The following AGAP1 variants were observed in gnomAD, a reference collection of about 807,000 sequenced individuals.
AGAP1 encodes ArfGAP with GTPase domain, ankyrin repeat and PH domain 1.
In AGAP1, 29 loss-of-function variants were observed where a neutral mutation model predicts 105.3. The observed-to-expected ratio is 0.28, with a 90% CI of 0.21 to 0.38. The LOEUF is 0.38. Ranked by LOEUF, AGAP1 falls within the 10% of genes least tolerant of loss-of-function variation. The pLI is 1.00. For synonymous variants in AGAP1, 509 were observed against 485.9 expected (o/e 1.05, Z -0.63); for missense variants, 998 against 1,165.1 (o/e 0.86, Z 2.09).
At chr2:235,954,600 G>C (rs1472496614) in intron 12 of AGAP1, among the ~76,000 whole-genome samples, 1 of 150,402 alleles carries the variant, frequency 6.6e-6, no homozygotes, top group Non-Finnish European at 1.5e-5. Context: ...GTCTGGAAAA[G>C]CTGGGGGCCC....
chr2:235,995,065 CAAAAAAAAAAAAAA>C (rs58097220), intron 13 of AGAP1, among the ~76,000 whole-genome samples: 15 of 60,964 alleles, frequency 2.5e-4, no homozygotes, highest in African/African-American at 9.5e-4. Flanking sequence ...GACTCTGTCT[CAAAAAAAAAAAAAA>C]AAAAAAAAAA....
In AGAP1 at chr2:236,078,053, G is replaced by C. The variant is rs927596319; in HGVS notation, c.2114+28772G>C. 3.0e-4 allele frequency among the ~76,000 whole-genome samples: 45 copies of C among 147,578 alleles called. No individual in the cohort carries two copies. Among genetic ancestry groups the C allele is most frequent in the African/African-American group, 1.2e-3 (44 of 37,484 alleles). The stretch of plus-strand genomic sequence containing the variant: ...ACAACCAATTTGTGTGTGTGTGTGT[G>C]TGTGTGTGTGTGTGTGTGTGTAATC... On this transcript the variant is annotated intron_variant, in intron 16 of 17. Transcript: ENST00000304032. This position sits in a 1 kb window ranked among gnomAD's most constrained non-coding sequence, Gnocchi z 5.3.
At chr2:235,949,407 G>A (rs1282356532) in intron 12 of AGAP1, among the ~76,000 whole-genome samples, 1 of 152,138 alleles carries the variant, frequency 6.6e-6, no homozygotes, top group Admixed American at 6.5e-5. Context: ...AAAGAGGGCG[G>A]TGGCCAGGGG....
Position 235,739,347 on chromosome 2 carries a change from T to C in AGAP1, c.311-1616T>C, listed in dbSNP as rs976844984. On this transcript the variant is annotated intron_variant, in intron 3 of 17. Transcript: ENST00000304032. This position sits in a 1 kb window ranked among gnomAD's most constrained non-coding sequence, Gnocchi z 5.3. ...AACAGCTCTGCTAGAAAAGCATTTC[T>C]TTTTTGCCTACGAGGACTCTCGATT... Among the ~76,000 whole-genome samples the C allele has an allele frequency of 2.0e-5, 3 of 152,204 alleles. No individual in the cohort carries two copies. Among genetic ancestry groups the C allele is most frequent in the African/African-American group, 7.2e-5 (3 of 41,460 alleles).
intron 1 of AGAP1, among the ~76,000 whole-genome samples, chr2:235,653,376 A>G (rs904968307): frequency 6.6e-6 from 1 of 152,100 alleles, no homozygotes; most frequent in African/African-American, 2.4e-5. Flanking sequence ...AGGCAGGAGA[A>G]TGGCATGAAA....
Position 236,049,301 on chromosome 2 carries a change from C to A in AGAP1, c.2114+20C>A. 1.3e-6 allele frequency: 2 copies of A among 1,598,618 alleles called. No homozygotes were observed. The highest frequency in any genetic ancestry group is 2.2e-5 in the East Asian group (1 of 44,484). On this transcript the variant is annotated intron_variant, in intron 16 of 17. Transcript: ENST00000304032. ...CACAAGGTAGGAACTTTGGAAGATG[C>A]CTGGCTCCCGACACGTTTGCCAACA...
At chr2:235,543,180 T>C (rs2068203) in intron 1 of AGAP1, among the ~76,000 whole-genome samples, 108,777 of 148,830 alleles carry the variant, frequency 0.73, 39,751 homozygotes, top group Middle Eastern at 0.87. Flanking sequence ...AGGGCTTCTC[T>C]TTCCTGGCTG....
intron 9 of AGAP1, among the ~76,000 whole-genome samples, chr2:235,871,861 G>A (rs1028425149): frequency 1.3e-5 from 2 of 152,104 alleles, no homozygotes; most frequent in African/African-American, 2.4e-5. Context: ...AGTGAGTCTC[G>A]GGCAGCCCAG....
At chr2:235,781,448 A>G (rs1374332514) in intron 6 of AGAP1, among the ~76,000 whole-genome samples, 1 of 152,200 alleles carries the variant, frequency 6.6e-6, no homozygotes, top group Non-Finnish European at 1.5e-5. Context: ...GGGGCCTTAG[A>G]TGTTTTGTAA....
rs758696950 is a variant in AGAP1, at chr2:235,621,913, C to G, written c.164-87266C>G. 1.7e-4 allele frequency among the ~76,000 whole-genome samples: 26 copies of G among 152,214 alleles called. No individual in the cohort carries two copies. The highest frequency in any genetic ancestry group is 4.8e-4 in the African/African-American group (20 of 41,532). ...GAGTGCCGCGCAGACCCCCCCACCCCCTCAGAACAGCGGCCACTGTGTGGA... is the reference window on the plus strand; with the variant it reads ...GAGTGCCGCGCAGACCCCCCCACCCGCTCAGAACAGCGGCCACTGTGTGGA... On this transcript the variant is annotated intron_variant, in intron 1 of 17. Coordinates refer to ENST00000304032, the MANE Select transcript of AGAP1 (RefSeq NM_001037131.3). This position sits in a 1 kb window ranked among gnomAD's most constrained non-coding sequence, Gnocchi z 4.1.
In AGAP1 at chr2:236,111,346, C is replaced by T. The variant is rs117215776; in HGVS notation, c.2115-8846C>T. 6.9e-4 allele frequency among the ~76,000 whole-genome samples: 105 copies of T among 151,136 alleles called. 1 individual carries two copies. In the East Asian group the frequency reaches 0.019, roughly 27 times the overall value. On this transcript the variant is annotated intron_variant, in intron 16 of 17. Coordinates refer to ENST00000304032, the MANE Select transcript of AGAP1 (RefSeq NM_001037131.3). ...CAACCTGGACAATATGGCAAGACCC[C>T]TATCTCTACAAAAAAAAAAATTATG...
rs779276987 is a variant in AGAP1 at position 235,797,843 on chromosome 2, C to G, written c.758C>G (p.Ser253Cys). ...TCGCTACCTAATTCTCCCAGCCATT[C>G]CTCCGTCTGTTCCGCGCAGGTGTCT... Reference protein sequence around the residue: ...CKSLPNSPSHSSVCSAQVSAV... With the variant: ...CKSLPNSPSHCSVCSAQVSAV... Residue 253 changes from serine to cysteine, a missense_variant, in exon 7 of 18, where the codon TCC becomes TGC. Around this residue, in one of 3 missense-constraint regions of AGAP1, gnomAD observed 735 missense variants for 833.4 expected, o/e 0.88. Transcript: ENST00000304032. 5 of 1,614,088 alleles carry G rather than the reference C, an allele frequency of 3.1e-6. No homozygotes were observed. Among genetic ancestry groups the G allele is most frequent in the Non-Finnish European group, 3.4e-6 (4 of 1,180,040 alleles).
At chr2:235,742,790 G>C (rs1952667840) in intron 4 of AGAP1, among the ~76,000 whole-genome samples, 1 of 152,198 alleles carries the variant, frequency 6.6e-6, no homozygotes, top group South Asian at 2.1e-4. Flanking sequence ...TGTTTTGAGT[G>C]ACTGGAAACA....
intron 6 of AGAP1, among the ~76,000 whole-genome samples, chr2:235,768,252 A>G (rs1449110644): frequency 6.6e-6 from 1 of 152,220 alleles, no homozygotes. Context: ...AGCATCTCAT[A>G]TTAGAACACT....
Position 235,962,544 on chromosome 2 carries a change from CAGTT to C in AGAP1, c.1484-5915_1484-5912del, listed in dbSNP as rs1403902108. Reference sequence around the variant, plus strand: ...GCTGGGGAGGCAGGGGTGGGGGTGGCAGTTAGACCCTAGAAACTGTGGTTCTTGC... The same window carrying C: ...GCTGGGGAGGCAGGGGTGGGGGTGGCAGACCCTAGAAACTGTGGTTCTTGC... On this transcript the variant is annotated intron_variant, in intron 12 of 17. Coordinates refer to ENST00000304032, the MANE Select transcript of AGAP1 (RefSeq NM_001037131.3). The surrounding 1 kb of genome is among the most constrained non-coding windows in gnomAD (Gnocchi z 5.3). 3.3e-5 allele frequency among the ~76,000 whole-genome samples: 5 copies of C among 151,890 alleles called. No homozygotes were observed. The highest frequency in any genetic ancestry group is 1.3e-4 in the Admixed American group (2 of 15,246).
intron 1 of AGAP1, among the ~76,000 whole-genome samples, chr2:235,626,067 A>G (rs934792537): frequency 6.6e-6 from 1 of 152,030 alleles, no homozygotes; most frequent in African/African-American, 2.4e-5. Flanking sequence ...CACTGAATAT[A>G]GGCCAGTGCG....
chr2:236,064,737 C>A (rs1043558831), intron 16 of AGAP1, among the ~76,000 whole-genome samples: 3 of 152,194 alleles, frequency 2.0e-5, no homozygotes, highest in African/African-American at 7.2e-5. Context: ...TTAAACAGCA[C>A]GTGAAAAGAC....
At chr2:235,683,925 C>T (rs1949236961) in intron 1 of AGAP1, among the ~76,000 whole-genome samples, 2 of 151,714 alleles carry the variant, frequency 1.3e-5, no homozygotes, top group South Asian at 4.2e-4. Flanking sequence ...TCACCTCCCA[C>T]CTATGAGTGA....
intron 1 of AGAP1, among the ~76,000 whole-genome samples, chr2:235,590,395 G>C (rs1428281931): frequency 6.6e-6 from 1 of 152,060 alleles, no homozygotes; most frequent in East Asian, 1.9e-4. Context: ...ACAGATTCCC[G>C]GTGTCTGCAC....
Sources: gnomAD v4.1 joint callset for allele counts (sites outside exome capture counted in the v4.1 genomes callset) on GRCh38, gnomAD v4.1.1 for gene constraint, gnomAD v4.1.1 regional missense constraint, Gnocchi (gnomAD v3.1) non-coding constraint, MANE v1.5 for transcripts, NCBI Gene and HGNC (gene_info 2026-07-23, HGNC 2026-07-21) for gene names.